Variants in HLCS observed in about 807,000 individuals in gnomAD.
HLCS encodes holocarboxylase synthetase, also known as biotin--protein ligase.
Under a neutral mutation model 75.0 loss-of-function variants are expected in HLCS, and 53 were observed. The observed-to-expected ratio is 0.71, with a 90% CI of 0.57 to 0.89. HLCS has a LOEUF of 0.89. Ranked by LOEUF, HLCS falls within the 40% of genes least tolerant of loss-of-function variation. The pLI is 0.00. For synonymous variants in HLCS, 431 were observed against 428.6 expected (o/e 1.01, Z -0.07); for missense variants, 966 against 1,074.0 (o/e 0.90, Z 1.41).
At chr21:36,911,324 T>A (rs1167532419) in intron 5 of HLCS, among the ~76,000 whole-genome samples, 1 of 152,110 alleles carries the variant, frequency 6.6e-6, no homozygotes, top group Non-Finnish European at 1.5e-5. Flanking sequence ...CTGGAACCCA[T>A]CCAGCCATCC....
At chr21:36,877,450 A>G (rs1185343739) in intron 6 of HLCS, among the ~76,000 whole-genome samples, 1 of 151,952 alleles carries the variant, frequency 6.6e-6, no homozygotes, top group African/African-American at 2.4e-5. Context: ...GTACATCCTT[A>G]CCTTTTATAT....
At chr21:36,935,151 G>C (rs933076480) in intron 4 of HLCS, among the ~76,000 whole-genome samples, 5 of 152,168 alleles carry the variant, frequency 3.3e-5, no homozygotes, top group African/African-American at 1.2e-4. Flanking sequence ...GCTCTAGGAA[G>C]TCGGGTTTTT....
intron 6 of HLCS, among the ~76,000 whole-genome samples, chr21:36,887,170 T>C (rs1312964792): frequency 6.6e-6 from 1 of 150,606 alleles, no homozygotes; most frequent in Non-Finnish European, 1.5e-5. Context: ...ATCTAGAAGA[T>C]AATTTGACCA....
chr21:36,914,649 C>T (rs1205259234), intron 5 of HLCS, among the ~76,000 whole-genome samples: 3 of 152,214 alleles, frequency 2.0e-5, no homozygotes, highest in Non-Finnish European at 4.4e-5. Flanking sequence ...CACACCTCCA[C>T]CAAGCCAAAC....
At chr21:36,983,542 A>G (rs2069166589) in intron 1 of HLCS, among the ~76,000 whole-genome samples, 2 of 152,014 alleles carry the variant, frequency 1.3e-5, no homozygotes, top group East Asian at 3.9e-4. Flanking sequence ...AATCCTTATA[A>G]AAATGATTTT....
intron 2 of HLCS, among the ~76,000 whole-genome samples, chr21:36,960,201 G>C (rs2068218348): frequency 7.2e-6 from 1 of 138,344 alleles, no homozygotes; most frequent in Non-Finnish European, 1.5e-5. Context: ...GCTTGCCCCT[G>C]GTAGGTGTGC....
upstream of HLCS, among the ~76,000 whole-genome samples, chr21:36,966,911 G>A (rs1185577987): frequency 1.3e-5 from 2 of 151,560 alleles, no homozygotes; most frequent in African/African-American, 2.4e-5. Flanking sequence ...CAGCGCTGGG[G>A]CGGGGGGTGT....
chr21:36,833,593 T>TTATATATATATATATATATATATA (rs56412653), intron 6 of HLCS, among the ~76,000 whole-genome samples: 56 of 139,994 alleles, frequency 4.0e-4, no homozygotes, highest in African/African-American at 1.5e-3. Flanking sequence ...TAAAAAAAAA[T>TTATATATATATATATATATATATA]TATATATATA....
At chr21:36,890,423 G>A (rs192688819) in intron 6 of HLCS, among the ~76,000 whole-genome samples, 16 of 152,320 alleles carry the variant, frequency 1.1e-4, no homozygotes, top group African/African-American at 3.4e-4. Flanking sequence ...TGGGGAAAGC[G>A]CATCACTAAC....
At chr21:36,864,162 G>T (rs1052780663) in intron 6 of HLCS, among the ~76,000 whole-genome samples, 2 of 152,184 alleles carry the variant, frequency 1.3e-5, no homozygotes, top group Non-Finnish European at 2.9e-5. Flanking sequence ...CACTTTGGGA[G>T]GCTGAGGCGG....
Position 36,752,934 on chromosome 21 carries a change from G to A in HLCS, c.*1312C>T, listed in dbSNP as rs2089423962. On this transcript the variant is annotated 3_prime_UTR_variant, in exon 11 of 11. Coordinates refer to ENST00000674895, the MANE Select transcript of HLCS (RefSeq NM_001352514.2). ...CTTTCTTTCCACTAATTTCAGCTGG[G>A]ACTGGAAGAGAGAAAACTGGACAAA... 1.3e-5 allele frequency: 2 copies of A among 152,606 alleles called. No homozygotes were observed. The highest frequency in any genetic ancestry group is 4.1e-4 in the South Asian group (2 of 4,830). The allele number at this position is 152,606 out of a possible 1,614,324, so 9.5% of individuals were successfully genotyped here.
intron 1 of HLCS, among the ~76,000 whole-genome samples, chr21:36,963,752 C>CA (rs1206146032): frequency 1.3e-5 from 2 of 150,234 alleles, no homozygotes; most frequent in African/African-American, 2.4e-5. Context: ...AACTCCATCT[C>CA]AAAAAAAAAG....
At chr21:36,981,183 C>G (rs1387800461) in intron 1 of HLCS, among the ~76,000 whole-genome samples, 5 of 152,062 alleles carry the variant, frequency 3.3e-5, no homozygotes, top group Admixed American at 2.0e-4. Flanking sequence ...GTTTTCCTGG[C>G]AAAATAATGA....
At chr21:36,894,914 T>C (rs983277240) in intron 6 of HLCS, among the ~76,000 whole-genome samples, 1 of 151,988 alleles carries the variant, frequency 6.6e-6, no homozygotes, top group Non-Finnish European at 1.5e-5. Context: ...AGGCAATATA[T>C]TTATACAGGT....
At chr21:36,790,261 G>C (rs570998064) in intron 6 of HLCS, among the ~76,000 whole-genome samples, 174 of 152,196 alleles carry the variant, frequency 1.1e-3, no homozygotes, top group Non-Finnish European at 2.0e-3. Context: ...AAAATTAGCT[G>C]GGTGTGGTGG....
chr21:36,871,707 G>A (rs1359704354), intron 6 of HLCS, among the ~76,000 whole-genome samples: 1 of 151,988 alleles, frequency 6.6e-6, no homozygotes, highest in Non-Finnish European at 1.5e-5. Flanking sequence ...GTCACATACT[G>A]GGAGTTAATA....
chr21:36,764,585 G>C (rs2089968153), intron 8 of HLCS, among the ~76,000 whole-genome samples: 1 of 151,634 alleles, frequency 6.6e-6, no homozygotes, highest in Admixed American at 6.6e-5. Flanking sequence ...TGTACCTATG[G>C]TCCCAGCTAC....
intron 6 of HLCS, among the ~76,000 whole-genome samples, chr21:36,871,308 T>A (rs1191836020): frequency 6.6e-6 from 1 of 152,216 alleles, no homozygotes; most frequent in Non-Finnish European, 1.5e-5. Flanking sequence ...AGTACCCCAA[T>A]ACCTAAAGAA....
intron 6 of HLCS, among the ~76,000 whole-genome samples, chr21:36,817,966 C>T (rs2061711852): frequency 6.6e-6 from 1 of 152,206 alleles, no homozygotes; most frequent in South Asian, 2.1e-4. Flanking sequence ...ATGAGCTGTT[C>T]TAAGTGGAGC....
Sources: gnomAD v4.1 joint callset for allele counts (sites outside exome capture counted in the v4.1 genomes callset) on GRCh38, gnomAD v4.1.1 for gene constraint, MANE v1.5 for transcripts, NCBI Gene and HGNC (gene_info 2026-07-23, HGNC 2026-07-21) for gene names.